The following DHX34 variants were observed in gnomAD, a reference collection of about 807,000 sequenced individuals.
The protein encoded by DHX34 is DExH-box helicase 34, also known as probable ATP-dependent RNA helicase DHX34.
A neutral mutation model predicts 111.1 loss-of-function variants in DHX34; 96 were observed. The ratio of observed to expected loss-of-function variants is 0.86; its 90% confidence interval spans 0.73 to 1.02. The LOEUF (loss-of-function observed/expected upper bound fraction) is 1.02, where lower values mean the gene tolerates loss of function less well. DHX34 is among the 50% of genes least tolerant of loss of function. The pLI, the probability that DHX34 is intolerant of heterozygous loss-of-function variation, is 0.00. For synonymous variants in DHX34, 688 were observed against 670.4 expected, an observed-to-expected ratio of 1.03 and a Z score of -0.41; for missense variants, 1,560 against 1,579.9, an observed-to-expected ratio of 0.99 and a Z score of 0.21.
intron 10 of DHX34, 81 bp downstream of exon 10, chr19:47,375,789 C>A: frequency 3.2e-6 from 5 of 1,555,516 alleles, no homozygotes; most frequent in East Asian, 2.3e-5. Context: ...GGGGACATGG[C>A]CCTGTCCTCA....
chr19:47,379,900 T>TGGA lies in DHX34; in HGVS notation c.2913_2915dup (p.Glu971dup), dbSNP rs533574046. On this transcript the variant is annotated inframe_insertion, in exon 14 of 17. Transcript: ENST00000328771. ...CTGGCGCACCAGGCCCAGCAGCAGC[T>TGGA]GGAGGAGGAGGAGGAGGATACGCCA... 1,144 of 1,612,150 alleles carry TGGA rather than the reference T, an allele frequency of 7.1e-4. 7 individuals carry two copies. In the African/African-American group the frequency reaches 0.012, roughly 17 times the overall value.
At chr19:47,351,171 CTTTTTTTTTTTTTT>C (rs955543104) in intron 1 of DHX34, among the ~76,000 whole-genome samples, 2 of 93,080 alleles carry the variant, frequency 2.1e-5, no homozygotes, top group Non-Finnish European at 4.0e-5. Flanking sequence ...TTTTCTTTTT[CTTTTTTTTTTTTTT>C]TTTTTTTTTT....
chr19:47,367,242 CTG>C (rs1166105330), intron 7 of DHX34, 87 bp downstream of exon 7: 1 of 1,290,246 alleles, frequency 7.8e-7, no homozygotes, highest in East Asian at 3.1e-5. Flanking sequence ...GGGGGCAAGT[CTG>C]TTTCTTCCCT....
Position 47,382,182 on chromosome 19 carries a change from C to G in DHX34, c.*69C>G. Reference sequence around the variant, plus strand: ...CTCCAGCCCAGGACTAGGGGCAGGACTCTTGCCTGAACCCCCAGCCTGGGC... The same window carrying G: ...CTCCAGCCCAGGACTAGGGGCAGGAGTCTTGCCTGAACCCCCAGCCTGGGC... On this transcript the variant is annotated 3_prime_UTR_variant, in exon 17 of 17. Transcript: ENST00000328771. 1 of 1,579,494 alleles carries G rather than the reference C, an allele frequency of 6.3e-7. No individual in the cohort carries two copies. The highest frequency in any genetic ancestry group is 8.6e-7 in the Non-Finnish European group (1 of 1,163,450).
At chr19:47,373,351 C>A in intron 8 of DHX34, 1 of 479,390 alleles carries the variant, frequency 2.1e-6, no homozygotes, top group Non-Finnish European at 2.7e-6. Context: ...ACTGATGTGA[C>A]AGTGACAACC....
At chr19:47,374,123 T>G (rs1008385700) in intron 9 of DHX34, among the ~76,000 whole-genome samples, 9 of 151,904 alleles carry the variant, frequency 5.9e-5, no homozygotes, top group African/African-American at 1.9e-4. Context: ...CAGCTTCCCC[T>G]CGATAAAAAG....
At chr19:47,370,811 G>C (rs1969942269) in intron 7 of DHX34, among the ~76,000 whole-genome samples, 1 of 152,158 alleles carries the variant, frequency 6.6e-6, no homozygotes, top group African/African-American at 2.4e-5. Context: ...TGAGTAGCTG[G>C]GATTATAGGC....
intron 11 of DHX34, 61 bp downstream of exon 11, chr19:47,376,158 G>A (rs574178558): frequency 6.6e-7 from 1 of 1,517,078 alleles, no homozygotes; most frequent in Non-Finnish European, 8.8e-7. Flanking sequence ...CTGAGTGCCT[G>A]TCCTGTGCCG....
At position 47,353,983 on chromosome 19, in the gene DHX34, G is replaced by A. The variant is rs746432701; in HGVS notation, c.705+248G>A. 2.2e-4 allele frequency among the ~76,000 whole-genome samples: 33 copies of A among 151,974 alleles called. No individual in the cohort carries two copies. Among genetic ancestry groups the A allele is most frequent in the Admixed American group, 3.3e-4 (5 of 15,260 alleles). On this transcript the variant is annotated intron_variant, in intron 2 of 16. Transcript: ENST00000328771. The surrounding 1 kb of genome is among the most constrained non-coding windows in gnomAD (Gnocchi z 4.6). ...TAAAGGCTCATCACTTTTTTTTTGA[G>A]ACGGAGTCTCACTCTGTGGCCCAGG...
chr19:47,372,601 AC>A, intron 7 of DHX34, 128 bp from the exon 8 acceptor site: 4 of 1,417,882 alleles, frequency 2.8e-6, no homozygotes, highest in Non-Finnish European at 1.8e-6. Flanking sequence ...GGGTCACAAG[AC>A]CCTTAGTGGG....
chr19:47,377,916 T>C (rs1568407295), intron 13 of DHX34, among the ~76,000 whole-genome samples: 1 of 152,108 alleles, frequency 6.6e-6, no homozygotes, highest in East Asian at 1.9e-4. Context: ...GCCACTGCCC[T>C]GCCCCTAGTG....
intron 11 of DHX34, 34 bp downstream of exon 11, chr19:47,376,131 C>T (rs749038344): frequency 3.9e-6 from 6 of 1,525,062 alleles, no homozygotes; most frequent in South Asian, 2.6e-5. Flanking sequence ...TATGTTTTGT[C>T]CTCCAACACA....
rs758650870 is a variant in DHX34, at chr19:47,353,233, A to G, written c.203A>G (p.Gln68Arg). The change falls in exon 2 of 17, where the codon CAG becomes CGG. Residue 68 changes from glutamine to arginine, a missense_variant. By Grantham distance (43) the Gln-to-Arg change is conservative. Coordinates refer to ENST00000328771, the MANE Select transcript of DHX34 (RefSeq NM_014681.6). The surrounding 1 kb of genome is among the most constrained non-coding windows in gnomAD (Gnocchi z 4.6). Reference protein sequence around the residue: ...QKFWTFFERLQRFQNLKTSRK... With the variant: ...QKFWTFFERLRRFQNLKTSRK... Reference sequence around the variant, plus strand: ...TTTTGGACCTTCTTTGAACGCCTGCAGAGATTCCAGAATCTCAAGACCTCC... The same window carrying G: ...TTTTGGACCTTCTTTGAACGCCTGCGGAGATTCCAGAATCTCAAGACCTCC... The G allele has an allele frequency of 1.2e-6, 2 of 1,614,078 alleles. No homozygotes were observed. The highest frequency in any genetic ancestry group is 1.3e-5 in the African/African-American group (1 of 74,924).
At chr19:47,374,076 C>T (rs1449927052) in intron 9 of DHX34, among the ~76,000 whole-genome samples, 1 of 152,154 alleles carries the variant, frequency 6.6e-6, no homozygotes, top group East Asian at 1.9e-4. Context: ...TTTCTGACAG[C>T]GTGGCCCCGG....
chr19:47,373,816 C>A, intron 9 of DHX34, 116 bp downstream of exon 9: 1 of 1,250,574 alleles, frequency 8.0e-7, no homozygotes, highest in Non-Finnish European at 1.1e-6. Context: ...CCACCCTGCA[C>A]CCACCTCCCC....
chr19:47,377,266 G>T, intron 13 of DHX34, 60 bp downstream of exon 13: 1 of 1,538,812 alleles, frequency 6.5e-7, no homozygotes, highest in Non-Finnish European at 8.8e-7. Flanking sequence ...TGCCCAGGGT[G>T]GTGGGTGGGG....
chr19:47,379,504 C>T, intron 13 of DHX34: 1 of 852,748 alleles, frequency 1.2e-6, no homozygotes, highest in Non-Finnish European at 1.4e-6. Context: ...CACCCCAGCC[C>T]CCTTCCCTGA....
chr19:47,352,991 T>C lies in DHX34; in HGVS notation c.-40T>C. On this transcript the variant is annotated 5_prime_UTR_variant, in exon 2 of 17. Coordinates refer to ENST00000328771, the MANE Select transcript of DHX34 (RefSeq NM_014681.6). The stretch of plus-strand genomic sequence containing the variant: ...GGGGAATGGATGAGAATATTTGTTT[T>C]GGGTGATCAGAACTGAGACTCCTAT... The C allele has an allele frequency of 6.4e-7, 1 of 1,573,726 alleles. No individual in the cohort carries two copies. The highest frequency in any genetic ancestry group is 8.6e-7 in the Non-Finnish European group (1 of 1,156,758).
At chr19:47,374,667 C>T (rs909139110) in intron 9 of DHX34, among the ~76,000 whole-genome samples, 4 of 152,044 alleles carry the variant, frequency 2.6e-5, no homozygotes, top group African/African-American at 9.7e-5. Flanking sequence ...CAGCCGACAC[C>T]TCCGGTACCA....
Sources: allele counts gnomAD v4.1 joint callset (sites outside exome capture counted in the v4.1 genomes callset), GRCh38; gene constraint gnomAD v4.1.1; non-coding constraint Gnocchi (gnomAD v3.1); transcripts MANE v1.5; gene names NCBI Gene and HGNC (gene_info 2026-07-23, HGNC 2026-07-21).